The following DIAPH3 variants were observed in gnomAD, a reference collection of about 807,000 sequenced individuals.
DIAPH3 encodes protein diaphanous homolog 3.
In DIAPH3, 117 loss-of-function variants were observed where a neutral mutation model predicts 144.3. The ratio of observed to expected loss-of-function variants is 0.81; its 90% confidence interval spans 0.70 to 0.95. DIAPH3 has a LOEUF of 0.95. Among genes scored for constraint, DIAPH3 ranks in the 40% least tolerant of loss-of-function variants. DIAPH3 has a pLI of 0.00. For missense variants in DIAPH3, 1,421 were observed against 1,412.7 expected (o/e 1.01, Z -0.09); for synonymous variants, 519 against 488.9 (o/e 1.06, Z -0.81).
At chr13:59,893,384 T>C (rs1360224595) in intron 20 of DIAPH3, among the ~76,000 whole-genome samples, 1 of 152,196 alleles carries the variant, frequency 6.6e-6, no homozygotes, top group Non-Finnish European at 1.5e-5. Flanking sequence ...ACTTACATTC[T>C]AGAGTCACTT....
intron 24 of DIAPH3, among the ~76,000 whole-genome samples, chr13:59,811,759 A>G (rs1042691116): frequency 8.8e-5 from 13 of 148,362 alleles, no homozygotes; most frequent in Middle Eastern, 6.9e-3. Context: ...AAAAAAAAAG[A>G]AATGTTTGTC....
At chr13:59,913,663 T>C (rs2047096550) in intron 19 of DIAPH3, among the ~76,000 whole-genome samples, 1 of 152,156 alleles carries the variant, frequency 6.6e-6, no homozygotes, top group African/African-American at 2.4e-5. Flanking sequence ...TAATTCTTAT[T>C]GAGCCTAATA....
chr13:59,747,719 G>T (rs2036777327), intron 27 of DIAPH3, among the ~76,000 whole-genome samples: 1 of 152,128 alleles, frequency 6.6e-6, no homozygotes, highest in South Asian at 2.1e-4. Flanking sequence ...TCCTCAAGGG[G>T]GCAATGTGTC....
chr13:60,017,356 A>T (rs2053722605), intron 5 of DIAPH3, among the ~76,000 whole-genome samples: 2 of 151,550 alleles, frequency 1.3e-5, no homozygotes, highest in African/African-American at 4.9e-5. Context: ...GTGAGCCGAG[A>T]TCGCGCCATC....
intron 22 of DIAPH3, among the ~76,000 whole-genome samples, chr13:59,844,476 C>G (rs1464970095): frequency 3.3e-5 from 5 of 149,590 alleles, no homozygotes; most frequent in African/African-American, 9.8e-5. Context: ...TGCACTCCAG[C>G]CTGGGTGACG....
intron 27 of DIAPH3, among the ~76,000 whole-genome samples, chr13:59,727,878 C>T (rs1039964703): frequency 6.6e-6 from 1 of 152,116 alleles, no homozygotes; most frequent in African/African-American, 2.4e-5. Flanking sequence ...ACACTCTCTT[C>T]CATTAAAGAA....
intron 27 of DIAPH3, among the ~76,000 whole-genome samples, chr13:59,667,830 T>C (rs942081242): frequency 3.3e-5 from 5 of 152,210 alleles, no homozygotes; most frequent in Admixed American, 6.5e-5. Context: ...AGATGTTCCA[T>C]TGTCCCAATA....
At chr13:60,141,197 G>A (rs17057694) in intron 1 of DIAPH3, among the ~76,000 whole-genome samples, 8,388 of 152,086 alleles carry the variant, frequency 0.055, 755 homozygotes, top group African/African-American at 0.19. Flanking sequence ...ATGCCATCTT[G>A]AGAAAGTTAG....
At chr13:59,803,942 G>A (rs2040066951) in intron 25 of DIAPH3, among the ~76,000 whole-genome samples, 2 of 152,154 alleles carry the variant, frequency 1.3e-5, no homozygotes, top group South Asian at 4.1e-4. Flanking sequence ...GGTACAGTTG[G>A]TGGACGTGGA....
At chr13:60,067,113 C>T (rs1327267792) in intron 4 of DIAPH3, among the ~76,000 whole-genome samples, 5 of 151,920 alleles carry the variant, frequency 3.3e-5, no homozygotes, top group African/African-American at 9.7e-5. Context: ...ACCCCCATCT[C>T]TACAAAAAAT....
chr13:59,762,052 C>CTTTTTTTTTTTTT (rs35387511), intron 27 of DIAPH3, among the ~76,000 whole-genome samples: 4 of 59,520 alleles, frequency 6.7e-5, no homozygotes, highest in South Asian at 9.6e-4. Context: ...GCGTCAGCAT[C>CTTTTTTTTTTTTT]TTTTTTTTTT....
Position 60,163,629 on chromosome 13 carries a change from C to T in DIAPH3, c.138G>A (p.Pro46=), listed in dbSNP as rs530873454. The part of the protein sequence containing the change: ...PRRKGPQHPP[P]PSGPEEPGEK... ...CCCCAGGCTCCTCGGGGCCACTGGGCGGCGGAGGGTGTTGGGGGCCCTTCC... is the reference window on the plus strand; with the variant it reads ...CCCCAGGCTCCTCGGGGCCACTGGGTGGCGGAGGGTGTTGGGGGCCCTTCC... Residue 46 remains proline (P), a synonymous_variant, in exon 1 of 28, where the codon CCG becomes CCA. Transcript: ENST00000400324. 3 of 1,604,818 alleles carry T rather than the reference C, an allele frequency of 1.9e-6. No individual in the cohort carries two copies. Among genetic ancestry groups the T allele is most frequent in the Admixed American group, 1.7e-5 (1 of 59,628 alleles).
intron 27 of DIAPH3, among the ~76,000 whole-genome samples, chr13:59,728,877 AGGTAG>A (rs1044519278): frequency 7.2e-5 from 11 of 152,090 alleles, no homozygotes; most frequent in Non-Finnish European, 5.9e-5. Flanking sequence ...GGTTTTACAA[AGGTAG>A]GATATATTAT....
intron 27 of DIAPH3, among the ~76,000 whole-genome samples, chr13:59,731,987 T>A (rs2035911724): frequency 6.6e-6 from 1 of 152,172 alleles, no homozygotes; most frequent in Non-Finnish European, 1.5e-5. Flanking sequence ...TGCTAAACTA[T>A]GCTGAATCTT....
chr13:59,758,543 G>C (rs1566269270), intron 27 of DIAPH3, among the ~76,000 whole-genome samples: 2 of 152,100 alleles, frequency 1.3e-5, no homozygotes, highest in Non-Finnish European at 2.9e-5. Flanking sequence ...TCTTGATCTG[G>C]TTATACAGGC....
At chr13:59,786,053 T>C (rs1210719069) in intron 25 of DIAPH3, among the ~76,000 whole-genome samples, 2 of 152,114 alleles carry the variant, frequency 1.3e-5, no homozygotes, top group African/African-American at 4.8e-5. Flanking sequence ...GAGGCAGAGG[T>C]TGCAGTGAGC....
chr13:59,822,464 C>T lies in DIAPH3; in HGVS notation c.3027+10643G>A, dbSNP rs561165361. Among the ~76,000 whole-genome samples the T allele has an allele frequency of 4.7e-4, 71 of 151,890 alleles. 2 individuals are homozygous for T. In the South Asian group the frequency reaches 0.014, roughly 30 times the overall value. On this transcript the variant is annotated intron_variant, in intron 24 of 27. Transcript: ENST00000400324. Reference sequence around the variant, plus strand: ...TATTTATTTATTTTTTTTTGTGAGACGGAGTCTCGCTCTGTCACCAGGCTA... The same window carrying T: ...TATTTATTTATTTTTTTTTGTGAGATGGAGTCTCGCTCTGTCACCAGGCTA...
chr13:60,060,255 A>ATAC (rs2056712838), intron 4 of DIAPH3, among the ~76,000 whole-genome samples: 1 of 152,084 alleles, frequency 6.6e-6, no homozygotes, highest in Non-Finnish European at 1.5e-5. Context: ...GCAAAAAATA[A>ATAC]ATAGTAGAGA....
At chr13:59,741,716 GAAA>G (rs1282636547) in intron 27 of DIAPH3, among the ~76,000 whole-genome samples, 2 of 146,312 alleles carry the variant, frequency 1.4e-5, no homozygotes, top group Non-Finnish European at 3.0e-5. Flanking sequence ...AAAAAAAAAA[GAAA>G]GAAAGAAAAG....
Sources: gnomAD v4.1 joint callset for allele counts (sites outside exome capture counted in the v4.1 genomes callset) on GRCh38, gnomAD v4.1.1 for gene constraint, MANE v1.5 for transcripts, NCBI Gene and HGNC (gene_info 2026-07-23, HGNC 2026-07-21) for gene names.